RPTOR: variants seen among roughly 807,000 people sequenced by gnomAD.
RPTOR encodes the protein regulatory associated protein of MTOR complex 1.
In RPTOR, 21 loss-of-function variants were observed where a neutral mutation model predicts 169.9. The ratio of observed to expected loss-of-function variants is 0.12; its 90% confidence interval spans 0.09 to 0.18. RPTOR has a LOEUF of 0.18. Among genes scored for constraint, RPTOR ranks in the 10% least tolerant of loss-of-function variants. The pLI is 1.00. For missense variants in RPTOR, 1,133 were observed against 1,855.9 expected, an observed-to-expected ratio of 0.61 and a Z score of 7.16; for synonymous variants, 732 against 753.2, an observed-to-expected ratio of 0.97 and a Z score of 0.46.
chr17:80,831,685 A>G (rs573850277), intron 9 of RPTOR, among the ~76,000 whole-genome samples: 3 of 152,088 alleles, frequency 2.0e-5, no homozygotes, highest in East Asian at 1.9e-4. Flanking sequence ...ATCCTTGTGT[A>G]TCACTATGTA....
At chr17:80,547,697 C>A (rs1599538090) in intron 1 of RPTOR, among the ~76,000 whole-genome samples, 1 of 152,134 alleles carries the variant, frequency 6.6e-6, no homozygotes, top group East Asian at 1.9e-4. Flanking sequence ...TCATCTCTTC[C>A]CTCAAGGACC....
intron 9 of RPTOR, among the ~76,000 whole-genome samples, chr17:80,835,598 C>T (rs1033189068): frequency 1.3e-5 from 2 of 152,182 alleles, no homozygotes; most frequent in African/African-American, 4.8e-5. Flanking sequence ...CTGTGAGGGC[C>T]ACCACGCTGC....
rs996444361 is a variant in RPTOR, at chr17:80,878,173, G to A, written c.1510-2242G>A. ...CATGCTGGGAGCTGGCAGAACGCAC[G>A]CCTCACTCTGTCGATGCAGTGTCTG... On this transcript the variant is annotated intron_variant, in intron 13 of 33. Coordinates refer to ENST00000306801, the MANE Select transcript of RPTOR (RefSeq NM_020761.3). The surrounding 1 kb of genome is among the most constrained non-coding windows in gnomAD (Gnocchi z 4.1). 6.6e-6 allele frequency among the ~76,000 whole-genome samples: 1 copy of A among 152,148 alleles called. No individual in the cohort carries two copies. The highest frequency in any genetic ancestry group is 1.5e-5 in the Non-Finnish European group (1 of 68,032).
intron 5 of RPTOR, among the ~76,000 whole-genome samples, chr17:80,740,877 T>G (rs1420744319): frequency 6.6e-6 from 1 of 152,204 alleles, no homozygotes; most frequent in Non-Finnish European, 1.5e-5. Context: ...TATCCATTCT[T>G]ATCACTGTTA....
rs1055280792 is a variant in RPTOR at position 80,581,286 on chromosome 17, T to G, written c.162+35495T>G. ...CCCTTGCTCCCTTCCTCCCTTGCTT[T>G]CTTTCTTCCTTCCTTCCTTCCCCCT... On this transcript the variant is annotated intron_variant, in intron 1 of 33. Transcript: ENST00000306801. Among the ~76,000 whole-genome samples, 22 of 152,244 alleles carry G rather than the reference T, an allele frequency of 1.4e-4. 1 individual carries two copies. Among genetic ancestry groups the G allele is most frequent in the East Asian group, 1.2e-3 (6 of 5,206 alleles).
intron 1 of RPTOR, among the ~76,000 whole-genome samples, chr17:80,608,371 G>T (rs765278724): frequency 3.9e-5 from 6 of 152,156 alleles, no homozygotes; most frequent in Non-Finnish European, 7.3e-5. Flanking sequence ...TCTTCCCTAT[G>T]AGTGCATGGA....
rs562645463 is a variant in RPTOR, at chr17:80,597,789, C to T, written c.163-27902C>T. On this transcript the variant is annotated intron_variant, in intron 1 of 33. Coordinates refer to ENST00000306801, the MANE Select transcript of RPTOR (RefSeq NM_020761.3). The stretch of plus-strand genomic sequence containing the variant: ...TTGGCCTCCCAGAGTGTTGAGATTA[C>T]AGGTGTGAGATGCTGTGCCTGGCCA... Among the ~76,000 whole-genome samples the T allele has an allele frequency of 2.0e-3, 308 of 152,094 alleles. 1 individual carries two copies. Among genetic ancestry groups the T allele is most frequent in the African/African-American group, 6.8e-3 (283 of 41,508 alleles).
At chr17:80,567,919 T>A (rs929581748) in intron 1 of RPTOR, among the ~76,000 whole-genome samples, 43 of 152,172 alleles carry the variant, frequency 2.8e-4, no homozygotes, top group African/African-American at 9.6e-4. Flanking sequence ...TCTTTTTTTT[T>A]ATTCTGAGAC....
chr17:80,604,111 G>A (rs1003362044), intron 1 of RPTOR, among the ~76,000 whole-genome samples: 1 of 152,178 alleles, frequency 6.6e-6, no homozygotes, highest in African/African-American at 2.4e-5. Context: ...AAACACAGAC[G>A]GGGGAATAAA....
intron 6 of RPTOR, among the ~76,000 whole-genome samples, chr17:80,768,069 A>G (rs1309730025): frequency 6.6e-6 from 1 of 152,070 alleles, no homozygotes; most frequent in Non-Finnish European, 1.5e-5. Context: ...TCACCATGTT[A>G]GCCAGGATGG....
chr17:80,628,142 G>A (rs1319103680), intron 2 of RPTOR, among the ~76,000 whole-genome samples: 7 of 152,104 alleles, frequency 4.6e-5, no homozygotes, highest in Non-Finnish European at 8.8e-5. Flanking sequence ...CTGGCCAAGT[G>A]TATGTTTAAT....
intron 7 of RPTOR, among the ~76,000 whole-genome samples, chr17:80,796,623 G>T (rs939940323): frequency 6.6e-6 from 1 of 152,224 alleles, no homozygotes. Flanking sequence ...TTCAAGATGA[G>T]ATTTGGGTAG....
At chr17:80,880,619 G>A (rs1445650108) in intron 14 of RPTOR, 130 bp downstream of exon 14, 6 of 751,538 alleles carry the variant, frequency 8.0e-6, no homozygotes, top group East Asian at 2.7e-5. Flanking sequence ...CAGGGGCCAC[G>A]TCCACGGGGT....
intron 6 of RPTOR, among the ~76,000 whole-genome samples, chr17:80,780,633 G>A (rs1268583185): frequency 3.3e-5 from 5 of 152,124 alleles, no homozygotes; most frequent in South Asian, 2.1e-4. Flanking sequence ...CATTTTTGCC[G>A]TTTATGCTAT....
intron 21 of RPTOR, among the ~76,000 whole-genome samples, chr17:80,919,621 C>A (rs1357792042): frequency 2.0e-5 from 3 of 152,212 alleles, no homozygotes; most frequent in African/African-American, 7.2e-5. Flanking sequence ...GGGTCTCATT[C>A]CAGTCCCCGC....
In RPTOR at chr17:80,957,561, C is replaced by A; in HGVS notation, c.3371-63C>A. The A allele has an allele frequency of 6.6e-7, 1 of 1,503,862 alleles. No individual in the cohort carries two copies. Among genetic ancestry groups the A allele is most frequent in the Non-Finnish European group, 9.3e-7 (1 of 1,080,750 alleles). 93.2% of individuals were successfully genotyped at this position (1,503,862 alleles called of 1,614,324 possible). ...TGGCCAAATTGCTGCCCAGAGCAGG[C>A]CCCAAAGCCTGCCCAAGGCAAGGGC... On this transcript the variant is annotated intron_variant, in intron 28 of 33. Transcript: ENST00000306801. The surrounding 1 kb of genome is among the most constrained non-coding windows in gnomAD (Gnocchi z 4.6).
chr17:80,638,880 C>G (rs2065530104), intron 2 of RPTOR, among the ~76,000 whole-genome samples: 1 of 152,164 alleles, frequency 6.6e-6, no homozygotes, highest in African/African-American at 2.4e-5. Context: ...AGGAGTGAGG[C>G]CTAGTGTTAG....
At chr17:80,725,704 G>C (rs1225010877) in intron 4 of RPTOR, among the ~76,000 whole-genome samples, 1 of 152,172 alleles carries the variant, frequency 6.6e-6, no homozygotes, top group Admixed American at 6.5e-5. Context: ...CTTGACAAAC[G>C]ACCCAGGACC....
intron 5 of RPTOR, among the ~76,000 whole-genome samples, chr17:80,742,742 A>G: frequency 6.6e-6 from 1 of 152,076 alleles, no homozygotes; most frequent in Middle Eastern, 3.2e-3. Flanking sequence ...GCATGTGCGC[A>G]CACATACATG....
Sources: gnomAD v4.1 joint callset for allele counts (sites outside exome capture counted in the v4.1 genomes callset) on GRCh38, gnomAD v4.1.1 for gene constraint, Gnocchi (gnomAD v3.1) non-coding constraint, MANE v1.5 for transcripts, NCBI Gene and HGNC (gene_info 2026-07-23, HGNC 2026-07-21) for gene names.